LRRTM4: variants seen among roughly 807,000 people sequenced by gnomAD.
The protein encoded by LRRTM4 is leucine-rich repeat transmembrane neuronal protein 4.
A neutral mutation model predicts 47.6 loss-of-function variants in LRRTM4; 25 were observed. That is an observed-to-expected ratio of 0.53 (90% CI 0.38 to 0.73). The LOEUF (loss-of-function observed/expected upper bound fraction) is 0.73. Ranked by LOEUF, LRRTM4 falls within the 30% of genes least tolerant of loss-of-function variation. The probability of loss-of-function intolerance (pLI) is 0.00; values close to 1 mark genes in which losing one functional copy is unlikely to be tolerated. For synonymous variants in LRRTM4, 311 were observed against 269.5 expected, an observed-to-expected ratio of 1.15 and a Z score of -1.51; for missense variants, 638 against 713.4, an observed-to-expected ratio of 0.89 and a Z score of 1.20.
At chr2:77,155,841 G>C (rs909999821) in intron 3 of LRRTM4, among the ~76,000 whole-genome samples, 3 of 151,960 alleles carry the variant, frequency 2.0e-5, no homozygotes, top group Non-Finnish European at 1.5e-5. Context: ...GAGTGACTAT[G>C]GTTAACAGTA....
At chr2:77,413,175 C>A (rs992480328) in intron 3 of LRRTM4, among the ~76,000 whole-genome samples, 5 of 152,068 alleles carry the variant, frequency 3.3e-5, no homozygotes, top group Non-Finnish European at 5.9e-5. Context: ...CATTAAGGGT[C>A]CTTTTGCTTG....
At chr2:76,949,975 TATATAAAACTGGTGAA>T (rs1675444783) in intron 3 of LRRTM4, among the ~76,000 whole-genome samples, 1 of 151,632 alleles carries the variant, frequency 6.6e-6, no homozygotes, top group Admixed American at 6.6e-5. Flanking sequence ...GAAGACAAAA[TATATAAAACTGGTGAA>T]AAGTAATAAG....
intron 3 of LRRTM4, among the ~76,000 whole-genome samples, chr2:76,910,613 A>G (rs991419396): frequency 4.6e-5 from 7 of 152,238 alleles, no homozygotes; most frequent in African/African-American, 1.7e-4. Context: ...GTATCCAAAA[A>G]TAGAGCTAGT....
At chr2:76,834,866 T>G (rs1330861513) in intron 3 of LRRTM4, among the ~76,000 whole-genome samples, 1 of 152,164 alleles carries the variant, frequency 6.6e-6, no homozygotes, top group Non-Finnish European at 1.5e-5. Flanking sequence ...AGTGAAATTT[T>G]GTAGACCATG....
chr2:77,071,900 C>G (rs1381159895), intron 3 of LRRTM4, among the ~76,000 whole-genome samples: 1 of 152,126 alleles, frequency 6.6e-6, no homozygotes, highest in Non-Finnish European at 1.5e-5. Flanking sequence ...CATACCACCT[C>G]CACTACAGCT....
chr2:77,302,130 T>C (rs1232351678), intron 3 of LRRTM4, among the ~76,000 whole-genome samples: 3 of 152,182 alleles, frequency 2.0e-5, no homozygotes, highest in Non-Finnish European at 4.4e-5. Context: ...GACATACTTT[T>C]CTAGTCATCA....
chr2:77,437,269 A>G (rs991289228), intron 3 of LRRTM4, among the ~76,000 whole-genome samples: 16 of 152,058 alleles, frequency 1.1e-4, no homozygotes, highest in Non-Finnish European at 2.1e-4. Context: ...TAAACATACC[A>G]TTCTGAGCAG....
intron 3 of LRRTM4, among the ~76,000 whole-genome samples, chr2:77,155,248 T>A: frequency 6.6e-6 from 1 of 152,102 alleles, no homozygotes; most frequent in East Asian, 1.9e-4. Context: ...AGATAATTGT[T>A]AAATTTTTAT....
chr2:77,396,620 T>C (rs1673714240), intron 3 of LRRTM4, among the ~76,000 whole-genome samples: 1 of 151,968 alleles, frequency 6.6e-6, no homozygotes, highest in East Asian at 1.9e-4. Context: ...GATATAAATG[T>C]ATATTTATGA....
At chr2:77,235,583 T>G (rs981256789) in intron 3 of LRRTM4, among the ~76,000 whole-genome samples, 19 of 152,118 alleles carry the variant, frequency 1.2e-4, no homozygotes, top group African/African-American at 4.6e-4. Flanking sequence ...TCATAACTGA[T>G]TTTCCAAGGC....
At chr2:76,814,637 G>A (rs1439984918) in intron 3 of LRRTM4, among the ~76,000 whole-genome samples, 1 of 152,046 alleles carries the variant, frequency 6.6e-6, no homozygotes, top group African/African-American at 2.4e-5. Flanking sequence ...AAGTTTATGA[G>A]AGGAGGGGTG....
chr2:77,283,087 A>G (rs538925707), intron 3 of LRRTM4, among the ~76,000 whole-genome samples: 54 of 152,008 alleles, frequency 3.6e-4, no homozygotes, highest in Non-Finnish European at 4.7e-4. Context: ...CATCCAACAA[A>G]AGACTAATAC....
chr2:77,297,827 T>G (rs1159532653), intron 3 of LRRTM4, among the ~76,000 whole-genome samples: 1 of 152,214 alleles, frequency 6.6e-6, no homozygotes, highest in African/African-American at 2.4e-5. Context: ...CAATTTGAGC[T>G]TCTCCAAAAC....
chr2:77,479,678 T>TTC (rs762031880), intron 3 of LRRTM4, among the ~76,000 whole-genome samples: 3 of 151,538 alleles, frequency 2.0e-5, no homozygotes, highest in African/African-American at 7.3e-5. Context: ...TGGCATTTCC[T>TTC]TCTCTCTCTC....
chr2:77,093,524 C>T (rs970804740), intron 3 of LRRTM4, among the ~76,000 whole-genome samples: 3 of 151,930 alleles, frequency 2.0e-5, no homozygotes, highest in African/African-American at 7.3e-5. Flanking sequence ...TCTACATTCC[C>T]ACACCACCCC....
At chr2:77,068,099 G>A (rs1680021452) in intron 3 of LRRTM4, among the ~76,000 whole-genome samples, 1 of 152,000 alleles carries the variant, frequency 6.6e-6, no homozygotes, top group African/African-American at 2.4e-5. Flanking sequence ...GAGATATAGA[G>A]ACTATTTCAT....
At chr2:77,038,714 C>G (rs1222924565) in intron 3 of LRRTM4, among the ~76,000 whole-genome samples, 1 of 151,456 alleles carries the variant, frequency 6.6e-6, no homozygotes, top group Non-Finnish European at 1.5e-5. Context: ...AGAAATTATC[C>G]TAGAAATTCA....
At chr2:77,015,734 A>G (rs1678042437) in intron 3 of LRRTM4, among the ~76,000 whole-genome samples, 1 of 152,192 alleles carries the variant, frequency 6.6e-6, no homozygotes, top group Non-Finnish European at 1.5e-5. Context: ...GGATAGAAAA[A>G]AGGGGAAAAA....
intron 3 of LRRTM4, among the ~76,000 whole-genome samples, chr2:76,941,760 C>G (rs1675151092): frequency 6.6e-6 from 1 of 152,138 alleles, no homozygotes; most frequent in East Asian, 1.9e-4. Flanking sequence ...GTGAATAATG[C>G]TGCAATAAAC....
Sources: gnomAD v4.1 joint callset for allele counts (sites outside exome capture counted in the v4.1 genomes callset) on GRCh38, gnomAD v4.1.1 for gene constraint, MANE v1.5 for transcripts, NCBI Gene and HGNC (gene_info 2026-07-23, HGNC 2026-07-21) for gene names.